Variants in CDH4 observed in about 807,000 individuals in gnomAD.
CDH4 encodes cadherin 4, also known as cadherin-4.
In CDH4, 33 loss-of-function variants were observed where a neutral mutation model predicts 86.0. That is an observed-to-expected ratio of 0.38 (90% CI 0.29 to 0.51). CDH4 has a LOEUF of 0.51. CDH4 is among the 20% of genes least tolerant of loss of function. The probability of loss-of-function intolerance (pLI) is 0.86; values close to 1 mark genes in which losing one functional copy is unlikely to be tolerated. For synonymous variants in CDH4, 555 were observed against 549.4 expected, an observed-to-expected ratio of 1.01 and a Z score of -0.14; for missense variants, 1,114 against 1,307.4, an observed-to-expected ratio of 0.85 and a Z score of 2.28.
chr20:61,694,245 G>A (rs1397450301), intron 2 of CDH4, among the ~76,000 whole-genome samples: 4 of 152,166 alleles, frequency 2.6e-5, no homozygotes, highest in Non-Finnish European at 4.4e-5. Flanking sequence ...CGCAGGTAGA[G>A]TGGGAAGGAG....
At chr20:61,842,712 C>T (rs1982233906) in intron 4 of CDH4, among the ~76,000 whole-genome samples, 1 of 148,274 alleles carries the variant, frequency 6.7e-6, no homozygotes, top group South Asian at 2.1e-4. Context: ...GAATCTGTTA[C>T]CCCTATTTTT....
At chr20:61,586,295 G>A (rs568003878) in intron 2 of CDH4, among the ~76,000 whole-genome samples, 2,021 of 152,224 alleles carry the variant, frequency 0.013, 23 homozygotes, top group African/African-American at 0.031. Flanking sequence ...GATAGGGATG[G>A]CAGTGACAAT....
At chr20:61,691,451 ATGTG>A (rs1271148571) in intron 2 of CDH4, among the ~76,000 whole-genome samples, 1 of 150,968 alleles carries the variant, frequency 6.6e-6, no homozygotes, top group Non-Finnish European at 1.5e-5. Context: ...GTCTGTGTGT[ATGTG>A]TGTGCATGTG....
chr20:61,678,505 A>G (rs1279477895), intron 2 of CDH4, among the ~76,000 whole-genome samples: 1 of 152,210 alleles, frequency 6.6e-6, no homozygotes, highest in Non-Finnish European at 1.5e-5. Flanking sequence ...GCGCAATGAC[A>G]CCAGGTAGCC....
At chr20:61,536,347 G>C (rs915471444) in intron 2 of CDH4, among the ~76,000 whole-genome samples, 5 of 152,204 alleles carry the variant, frequency 3.3e-5, no homozygotes, top group African/African-American at 1.2e-4. Context: ...TGGATCCACT[G>C]GGTGGTGGTG....
At chr20:61,344,130 C>G (rs1254751002) in intron 2 of CDH4, among the ~76,000 whole-genome samples, 1 of 152,106 alleles carries the variant, frequency 6.6e-6, no homozygotes, top group Non-Finnish European at 1.5e-5. Context: ...GAGGGAAGCA[C>G]TAATGAGGAC....
chr20:61,600,846 G>C (rs1420687024), intron 2 of CDH4, among the ~76,000 whole-genome samples: 6 of 151,798 alleles, frequency 4.0e-5, no homozygotes, highest in Non-Finnish European at 7.4e-5. Context: ...TAAATATTTC[G>C]GTCCTCAGTT....
At chr20:61,774,841 C>T (rs1322866728) in intron 4 of CDH4, among the ~76,000 whole-genome samples, 1 of 152,318 alleles carries the variant, frequency 6.6e-6, no homozygotes, top group East Asian at 1.9e-4. Context: ...CATGTCCCTG[C>T]AAAGGACATG....
chr20:61,806,816 CTG>C (rs1980165034), intron 4 of CDH4, among the ~76,000 whole-genome samples: 1 of 152,296 alleles, frequency 6.6e-6, no homozygotes, highest in African/African-American at 2.4e-5. Context: ...CACACCGTCT[CTG>C]TGAGTGGGAA....
chr20:61,527,005 G>A (rs1007498390), intron 2 of CDH4, among the ~76,000 whole-genome samples: 3 of 152,256 alleles, frequency 2.0e-5, no homozygotes, highest in Non-Finnish European at 4.4e-5. Context: ...TGGGAGCCCC[G>A]CACCGGGACC....
At chr20:61,547,256 A>C (rs1253981947) in intron 2 of CDH4, among the ~76,000 whole-genome samples, 1 of 122,874 alleles carries the variant, frequency 8.1e-6, no homozygotes, top group Non-Finnish European at 1.6e-5. Context: ...TCTGTCTCCC[A>C]GGCTGGAGTG....
At chr20:61,839,034 G>T (rs1982013532) in intron 4 of CDH4, among the ~76,000 whole-genome samples, 1 of 152,228 alleles carries the variant, frequency 6.6e-6, no homozygotes, top group Admixed American at 6.5e-5. Context: ...CTCCCAACAG[G>T]CTGCAAAGGC....
intron 2 of CDH4, among the ~76,000 whole-genome samples, chr20:61,540,783 C>G (rs2086033973): frequency 6.6e-6 from 1 of 152,112 alleles, no homozygotes; most frequent in Admixed American, 6.5e-5. Context: ...AGGCCAGAGG[C>G]AATGTCAGGA....
At chr20:61,460,434 G>A (rs1272964941) in intron 2 of CDH4, among the ~76,000 whole-genome samples, 3 of 152,194 alleles carry the variant, frequency 2.0e-5, no homozygotes, top group African/African-American at 4.8e-5. Flanking sequence ...GAGAAACTGG[G>A]GAGGTTTGGA....
In CDH4 at chr20:61,676,982, TG is replaced by T. The variant is rs2087451060; in HGVS notation, c.170-66579del. Among the ~76,000 whole-genome samples, 1 of 152,102 alleles carries T rather than the reference TG, an allele frequency of 6.6e-6. No homozygotes were observed. The highest frequency in any genetic ancestry group is 6.5e-5 in the Admixed American group (1 of 15,270). On this transcript the variant is annotated intron_variant, in intron 2 of 15. Coordinates refer to ENST00000614565, the MANE Select transcript of CDH4 (RefSeq NM_001794.5). This position sits in a 1 kb window ranked among gnomAD's most constrained non-coding sequence, Gnocchi z 4.5. ...CCTTGGGGCAGGAGGGGCTGTGGTG[TG>T]GCCCCAGCAGAGCAGACCAGGAGGG...
At chr20:61,361,793 G>A (rs906200004) in intron 2 of CDH4, among the ~76,000 whole-genome samples, 14 of 152,320 alleles carry the variant, frequency 9.2e-5, no homozygotes, top group African/African-American at 3.1e-4. Context: ...AGGAGGTGCC[G>A]TGGTGCGGAA....
intron 4 of CDH4, among the ~76,000 whole-genome samples, 194 bp downstream of exon 4, chr20:61,773,376 G>T (rs1600972791): frequency 6.6e-6 from 1 of 152,230 alleles, no homozygotes; most frequent in East Asian, 1.9e-4. Flanking sequence ...CTCCGCGGTG[G>T]ATGGGCCTTT....
chr20:61,256,151 T>C (rs1010619991), intron 2 of CDH4, among the ~76,000 whole-genome samples: 1 of 152,138 alleles, frequency 6.6e-6, no homozygotes, highest in Non-Finnish European at 1.5e-5. Flanking sequence ...TCAGGATCGT[T>C]TGGTTTACTG....
chr20:61,793,055 T>C (rs1325454562), intron 4 of CDH4, among the ~76,000 whole-genome samples: 4 of 152,080 alleles, frequency 2.6e-5, no homozygotes, highest in African/African-American at 9.7e-5. Flanking sequence ...CTCTGCCTCC[T>C]GGGTTCCAGT....
Sources: gnomAD v4.1 joint callset for allele counts (sites outside exome capture counted in the v4.1 genomes callset) on GRCh38, gnomAD v4.1.1 for gene constraint, Gnocchi (gnomAD v3.1) non-coding constraint, MANE v1.5 for transcripts, NCBI Gene and HGNC (gene_info 2026-07-23, HGNC 2026-07-21) for gene names.